RBFA: variants seen among roughly 807,000 people sequenced by gnomAD.
The protein encoded by RBFA is putative ribosome-binding factor A, mitochondrial.
Under a neutral mutation model 27.9 loss-of-function variants are expected in RBFA, and 16 were observed. The observed-to-expected ratio is 0.57, with a 90% confidence interval of 0.39 to 0.87. RBFA has a LOEUF of 0.87. Among genes scored for constraint, RBFA ranks in the 40% least tolerant of loss-of-function variants. The pLI is 0.00. For missense variants in RBFA, 456 were observed against 432.1 expected, an observed-to-expected ratio of 1.06 and a Z score of -0.49; for synonymous variants, 181 against 181.0, an observed-to-expected ratio of 1.00 and a Z score of 0.00.
chr18:80,046,079 A>C lies in RBFA; in HGVS notation c.956A>C (p.Asp319Ala), dbSNP rs1299363279. 5 of 1,614,032 alleles carry C rather than the reference A, an allele frequency of 3.1e-6. No homozygotes were observed. The highest frequency in any genetic ancestry group is 4.2e-6 in the Non-Finnish European group (5 of 1,180,040). ...CCGGAGTACGAATGCTATGCCCCGG[A>C]CACAGAGGAGTTGGAGGCAGAGAGA... is the stretch of plus-strand genomic sequence containing the variant. ...GAPEYECYAPDTEELEAERGG... is the reference protein window; with the variant it reads ...GAPEYECYAPATEELEAERGG... Residue 319 changes from aspartate to alanine, a missense_variant, in exon 7 of 7, where the codon GAC becomes GCC. Coordinates refer to ENST00000306735, the MANE Select transcript of RBFA (RefSeq NM_024805.3).
At chr18:80,037,159 A>G in intron 2 of RBFA, 171 bp from the exon 3 acceptor site, 1 of 529,500 alleles carries the variant, frequency 1.9e-6, no homozygotes, top group Middle Eastern at 5.0e-4. Flanking sequence ...GGTAAAATTT[A>G]AAAGGATCCC....
chr18:80,034,890 C>A, intron 1 of RBFA: 1 of 456,752 alleles, frequency 2.2e-6, no homozygotes, highest in Non-Finnish European at 3.9e-6. Context: ...TGATTCTTGT[C>A]ACCAGACGTA....
At position 80,049,549 on chromosome 18, in the gene RBFA, T is replaced by A. The variant is rs182852240; in HGVS notation, c.*3394T>A. 5.8e-4 allele frequency among the ~76,000 whole-genome samples: 88 copies of A among 152,362 alleles called. No individual in the cohort carries two copies. Among genetic ancestry groups the A allele is most frequent in the South Asian group, 5.6e-3 (27 of 4,832 alleles). ...TCACTGTTAAACTGCTGATGAAATG[T>A]GAAACGACTTCACAGGTTTTCAGTC... On this transcript the variant is annotated 3_prime_UTR_variant, in exon 7 of 7. Coordinates refer to ENST00000306735, the MANE Select transcript of RBFA (RefSeq NM_024805.3).
In RBFA at chr18:80,049,163, C is replaced by A. The variant is rs902346847; in HGVS notation, c.*3008C>A. ...CACTCCTGGGGATTTCCGCGGCCTTCCCTGGGAGCGGGTTAGGGACACGGA... is the reference window on the plus strand; with the variant it reads ...CACTCCTGGGGATTTCCGCGGCCTTACCTGGGAGCGGGTTAGGGACACGGA... On this transcript the variant is annotated 3_prime_UTR_variant, in exon 7 of 7. Transcript: ENST00000306735. Among the ~76,000 whole-genome samples, 3 of 150,844 alleles carry A rather than the reference C, an allele frequency of 2.0e-5. No homozygotes were observed. The highest frequency in any genetic ancestry group is 3.9e-4 in the East Asian group (2 of 5,104).
chr18:80,040,107 A>G (rs961702459), intron 4 of RBFA, among the ~76,000 whole-genome samples: 7 of 152,044 alleles, frequency 4.6e-5, no homozygotes, highest in African/African-American at 1.7e-4. Context: ...ATGAGGTTTC[A>G]CTATATTGGC....
chr18:80,038,618 GTGA>G lies in RBFA; in HGVS notation c.491+5_491+7del, dbSNP rs1568387838. 2 of 1,605,400 alleles carry G rather than the reference GTGA, an allele frequency of 1.2e-6. No homozygotes were observed. Among genetic ancestry groups the G allele is most frequent in the South Asian group, 1.1e-5 (1 of 90,296 alleles). ...TGCAGAGAAGTGCCGCGCACATGAGGTGATGACCTTTGCTTTCTGAATGTACTT... is the reference window on the plus strand; with the variant it reads ...TGCAGAGAAGTGCCGCGCACATGAGGTGACCTTTGCTTTCTGAATGTACTT... On this transcript the variant is annotated splice_donor_variant and splice_donor_region_variant and intron_variant, in intron 4 of 6. Transcript: ENST00000306735. LOFTEE classifies it high-confidence loss of function.
intron 2 of RBFA, 72 bp downstream of exon 2, chr18:80,036,782 C>A (rs2051982167): frequency 1.8e-6 from 2 of 1,125,122 alleles, no homozygotes; most frequent in Non-Finnish European, 2.6e-6. Flanking sequence ...AAACTCTTAC[C>A]TGGAGGTCTT....
At chr18:80,045,634 A>G (rs1437182986) in intron 6 of RBFA, 140 bp from the exon 7 acceptor site, 2 of 991,106 alleles carry the variant, frequency 2.0e-6, no homozygotes, top group Admixed American at 3.4e-5. Context: ...TCCTGTCTCC[A>G]GTTACCCTCA....
At chr18:80,036,779 T>C in intron 2 of RBFA, 69 bp downstream of exon 2, 1 of 1,144,334 alleles carries the variant, frequency 8.7e-7, no homozygotes, top group Non-Finnish European at 1.3e-6. Context: ...GCAAAACTCT[T>C]ACCTGGAGGT....
At chr18:80,039,648 C>G (rs2052003661) in intron 4 of RBFA, among the ~76,000 whole-genome samples, 2 of 152,218 alleles carry the variant, frequency 1.3e-5, no homozygotes, top group African/African-American at 4.8e-5. Flanking sequence ...CCACTGTGAG[C>G]TTGACAACTT....
chr18:80,039,321 CCT>C (rs1245649531), intron 4 of RBFA, among the ~76,000 whole-genome samples: 4 of 152,128 alleles, frequency 2.6e-5, no homozygotes, highest in African/African-American at 9.7e-5. Context: ...GGAGCAAGAC[CCT>C]GTTTCTCAAA....
Position 80,044,274 on chromosome 18 carries a change from A to G in RBFA, c.639A>G (p.Gln213=). The stretch of plus-strand genomic sequence containing the variant: ...GGGATGAAAGAGACAACTTTGTACA[A>G]AATGATTTCAGGTGACGCATGTGGA... ...GPRDERDNFV[Q]NDFRDPDAPQ... Residue 213 remains glutamine (Q), a synonymous_variant, in exon 6 of 7, where the codon CAA becomes CAG. Transcript: ENST00000306735. 6.2e-7 allele frequency: 1 copy of G among 1,614,056 alleles called. No homozygotes were observed. Among genetic ancestry groups the G allele is most frequent in the African/African-American group, 1.3e-5 (1 of 75,078 alleles).
chr18:80,045,890 A>G lies in RBFA; in HGVS notation c.767A>G (p.Asp256Gly). 6.2e-7 allele frequency: 1 copy of G among 1,611,028 alleles called. No individual in the cohort carries two copies. The highest frequency in any genetic ancestry group is 1.3e-5 in the African/African-American group (1 of 74,798). Residue 256 changes from aspartate to glycine, a missense_variant, in exon 7 of 7, where the codon GAT becomes GGT. Physicochemically the swap from Asp to Gly is moderately conservative, Grantham distance 94 (BLOSUM62 -1). Coordinates refer to ENST00000306735, the MANE Select transcript of RBFA (RefSeq NM_024805.3). ...ATTATGGAGTACAAAAGGAGGAAAGATAAAGGGCTCGGGGGCCTGGTGTGG... is the reference window on the plus strand; with the variant it reads ...ATTATGGAGTACAAAAGGAGGAAAGGTAAAGGGCTCGGGGGCCTGGTGTGG... ...KQIMEYKRRK[D>G]KGLGGLVWQG...
Position 80,044,218 on chromosome 18 carries a change from C to G in RBFA, c.583C>G (p.Gln195Glu), listed in dbSNP as rs1176233569. 2 of 1,613,890 alleles carry G rather than the reference C, an allele frequency of 1.2e-6. No homozygotes were observed. The highest frequency in any genetic ancestry group is 2.2e-5 in the East Asian group (1 of 44,888). Residue 195 changes from glutamine (Q) to glutamate (E), a missense_variant, in exon 6 of 7, where the codon CAG becomes GAG. Transcript: ENST00000306735. The stretch of plus-strand genomic sequence containing the variant: ...CCTCTGTGTTCCTCTGTAGCTTGAT[C>G]AGTTACTGGCAGTCGCAGACTTTGG... ...KGNAALAELDQLLAVADFGPR... is the reference protein window; with the variant it reads ...KGNAALAELDELLAVADFGPR...
At position 80,047,130 on chromosome 18, in the gene RBFA, C is replaced by T. The variant is rs1201932806; in HGVS notation, c.*975C>T. 1 of 152,316 alleles carries T rather than the reference C, an allele frequency of 6.6e-6. No homozygotes were observed. The allele number at this position is 152,316 out of a possible 1,614,324, so 9.4% of individuals were successfully genotyped here. ...TGTCATCCCTCCAAGCCCTGGCTCT[C>T]TGCCAGTGCAGCAGGGCTGTGAGAA... On this transcript the variant is annotated 3_prime_UTR_variant, in exon 7 of 7. Coordinates refer to ENST00000306735, the MANE Select transcript of RBFA (RefSeq NM_024805.3).
intron 3 of RBFA, 42 bp from the exon 4 acceptor site, chr18:80,038,463 C>T: frequency 7.3e-7 from 1 of 1,366,822 alleles, no homozygotes; most frequent in Non-Finnish European, 1.0e-6. Context: ...CTTGAAAACC[C>T]ATGTAAGCTA....
In RBFA at chr18:80,045,817, A is replaced by G; in HGVS notation, c.694A>G (p.Thr232Ala). Reference sequence around the variant, plus strand: ...ACCCTGCGGCACCACAGAGCCGACCACAAGCTCCAGTCTGTGTGGGATCGA... The same window carrying G: ...ACCCTGCGGCACCACAGAGCCGACCGCAAGCTCCAGTCTGTGTGGGATCGA... ...PQPCGTTEPT[T>A]SSSLCGIDHE... is the part of the protein sequence containing the mutation. Residue 232 changes from threonine to alanine, a missense_variant, in exon 7 of 7, where the codon ACA (threonine) becomes GCA (alanine). Coordinates refer to ENST00000306735, the MANE Select transcript of RBFA (RefSeq NM_024805.3). 1 of 1,526,938 alleles carries G rather than the reference A, an allele frequency of 6.5e-7. No individual in the cohort carries two copies. The highest frequency in any genetic ancestry group is 8.8e-7 in the Non-Finnish European group (1 of 1,137,960). 94.6% of individuals were successfully genotyped at this position (1,526,938 alleles called of 1,614,324 possible).
chr18:80,039,576 G>A (rs1279715066), intron 4 of RBFA, among the ~76,000 whole-genome samples: 2 of 152,154 alleles, frequency 1.3e-5, no homozygotes, highest in Admixed American at 6.5e-5. Flanking sequence ...GACCATATCT[G>A]TTGCCAGTGA....
chr18:80,043,996 T>A (rs1165413370), intron 5 of RBFA, among the ~76,000 whole-genome samples: 1 of 152,262 alleles, frequency 6.6e-6, no homozygotes, highest in Non-Finnish European at 1.5e-5. Flanking sequence ...CTCACTTCGT[T>A]ATCAGAGAAA....
Sources: allele counts gnomAD v4.1 joint callset (sites outside exome capture counted in the v4.1 genomes callset), GRCh38; gene constraint gnomAD v4.1.1; transcripts MANE v1.5; gene names NCBI Gene and HGNC (gene_info 2026-07-23, HGNC 2026-07-21).